The following SLC35F3 variants were observed in gnomAD, a reference collection of about 807,000 sequenced individuals.
The protein encoded by SLC35F3 is solute carrier family 35 member F3, also known as putative thiamine transporter SLC35F3.
SLC35F3 carries 25 observed loss-of-function variants against 49.9 expected under a neutral mutation model. The ratio of observed to expected loss-of-function variants is 0.50; its 90% CI spans 0.37 to 0.70. SLC35F3 has a LOEUF of 0.70. Ranked by LOEUF, SLC35F3 falls within the 30% of genes least tolerant of loss-of-function variation. The pLI, the probability that SLC35F3 is intolerant of heterozygous loss-of-function variation, is 0.00. For missense variants in SLC35F3, 525 were observed against 639.8 expected, an observed-to-expected ratio of 0.82 and a Z score of 1.94; for synonymous variants, 275 against 265.4, an observed-to-expected ratio of 1.04 and a Z score of -0.35.
intron 3 of SLC35F3, among the ~76,000 whole-genome samples, chr1:234,275,602 G>GACACACAC (rs58345055): frequency 6.9e-6 from 1 of 144,922 alleles, no homozygotes; most frequent in African/African-American, 2.6e-5. Flanking sequence ...CAGACAGACA[G>GACACACAC]ACACACACAC....
At chr1:233,926,939 C>G (rs1346183767) in intron 2 of SLC35F3, among the ~76,000 whole-genome samples, 4 of 152,076 alleles carry the variant, frequency 2.6e-5, no homozygotes, top group Non-Finnish European at 5.9e-5. Flanking sequence ...CACTCCAGAC[C>G]CTGTTTGACT....
intron 3 of SLC35F3, among the ~76,000 whole-genome samples, chr1:234,244,460 C>T (rs2102958448): frequency 6.6e-6 from 1 of 152,224 alleles, no homozygotes; most frequent in Admixed American, 6.5e-5. Flanking sequence ...CTAAGATCAG[C>T]TCTCGGCAGG....
chr1:234,093,584 C>T (rs759175274), intron 2 of SLC35F3, among the ~76,000 whole-genome samples: 1 of 152,186 alleles, frequency 6.6e-6, no homozygotes, highest in Non-Finnish European at 1.5e-5. Flanking sequence ...AAACACTCAC[C>T]CCTGCCTTAT....
chr1:234,305,608 C>A (rs1657148781), intron 3 of SLC35F3, among the ~76,000 whole-genome samples: 1 of 152,128 alleles, frequency 6.6e-6, no homozygotes, highest in Non-Finnish European at 1.5e-5. Context: ...TGGTCTCGAT[C>A]TCCTGACCCT....
At chr1:234,109,581 C>A (rs1371890456) in intron 2 of SLC35F3, among the ~76,000 whole-genome samples, 1 of 152,176 alleles carries the variant, frequency 6.6e-6, no homozygotes, top group African/African-American at 2.4e-5. Context: ...TTGCTAGCAC[C>A]TTTATTTATC....
chr1:234,139,951 T>TAATAAAATAAAACAAAATAAAATAA (rs1553308862), intron 2 of SLC35F3, among the ~76,000 whole-genome samples: 1 of 90,564 alleles, frequency 1.1e-5, no homozygotes, highest in Non-Finnish European at 2.3e-5. Flanking sequence ...CATCTCAAAA[T>TAATAAAATAAAACAAAATAAAATAA]AATAAAATAA....
chr1:234,130,786 G>A (rs1017625354), intron 2 of SLC35F3, among the ~76,000 whole-genome samples: 3 of 152,182 alleles, frequency 2.0e-5, no homozygotes, highest in African/African-American at 7.2e-5. Flanking sequence ...GAAATTGAAT[G>A]TATTTATGCC....
chr1:233,969,114 G>A (rs1202417903), intron 2 of SLC35F3, among the ~76,000 whole-genome samples: 3 of 151,836 alleles, frequency 2.0e-5, no homozygotes, highest in Non-Finnish European at 4.4e-5. Context: ...TTTCAGCCAA[G>A]CAAAGTTTAC....
chr1:233,954,057 A>C (rs1662653984), intron 2 of SLC35F3, among the ~76,000 whole-genome samples: 2 of 147,224 alleles, frequency 1.4e-5, no homozygotes, highest in Admixed American at 1.4e-4. Context: ...TCCAGGCTGG[A>C]GTGCAGGGGC....
intron 3 of SLC35F3, chr1:234,268,646 A>G (rs538208257): frequency 6.6e-6 from 1 of 152,354 alleles, no homozygotes; most frequent in South Asian, 2.1e-4. Flanking sequence ...CAACAGAGGA[A>G]TGGAAGTCAT....
intron 2 of SLC35F3, among the ~76,000 whole-genome samples, chr1:234,089,018 C>A (rs979403266): frequency 4.6e-5 from 7 of 152,074 alleles, no homozygotes; most frequent in African/African-American, 1.7e-4. Flanking sequence ...CACCTCGGCC[C>A]CCCAGAGTGC....
At chr1:233,923,821 C>T (rs140761696) in intron 2 of SLC35F3, among the ~76,000 whole-genome samples, 3 of 152,212 alleles carry the variant, frequency 2.0e-5, no homozygotes, top group East Asian at 1.9e-4. Flanking sequence ...TACATTCCAT[C>T]GACACCTAGT....
At chr1:234,287,365 G>A (rs1399116759) in intron 3 of SLC35F3, among the ~76,000 whole-genome samples, 2 of 152,032 alleles carry the variant, frequency 1.3e-5, no homozygotes, top group Non-Finnish European at 2.9e-5. Context: ...ATTTACACAA[G>A]TCACATAACA....
chr1:234,292,112 G>A (rs1326648392), intron 3 of SLC35F3, among the ~76,000 whole-genome samples: 1 of 152,224 alleles, frequency 6.6e-6, no homozygotes, highest in East Asian at 1.9e-4. Flanking sequence ...AGGCTTTGAT[G>A]CATCCACTCC....
At chr1:233,992,117 G>A (rs774586233) in intron 2 of SLC35F3, among the ~76,000 whole-genome samples, 2 of 152,156 alleles carry the variant, frequency 1.3e-5, no homozygotes, top group South Asian at 2.1e-4. Flanking sequence ...CCAGACGGCC[G>A]TGGTGCTCTC....
chr1:233,986,594 G>A (rs34231565), intron 2 of SLC35F3, among the ~76,000 whole-genome samples: 19,124 of 152,120 alleles, frequency 0.13, 1,532 homozygotes, highest in Non-Finnish European at 0.18. Context: ...TCTGTTTGAG[G>A]CATTTTGTAT....
At chr1:234,290,540 A>G (rs1054581700) in intron 3 of SLC35F3, among the ~76,000 whole-genome samples, 3 of 152,298 alleles carry the variant, frequency 2.0e-5, no homozygotes, top group African/African-American at 7.2e-5. Flanking sequence ...TGATGGCTTC[A>G]CTGCCCCATG....
intron 3 of SLC35F3, among the ~76,000 whole-genome samples, chr1:234,303,719 A>G (rs1238591333): frequency 2.0e-5 from 3 of 152,254 alleles, no homozygotes; most frequent in South Asian, 2.1e-4. Context: ...TGAAATTACA[A>G]TTTCCTATTT....
At chr1:234,096,315 C>T (rs558601961) in intron 2 of SLC35F3, among the ~76,000 whole-genome samples, 27 of 152,282 alleles carry the variant, frequency 1.8e-4, no homozygotes, top group African/African-American at 6.3e-4. Context: ...GAAAGCAGCC[C>T]GCTTCTCCCT....
Sources: allele counts gnomAD v4.1 joint callset (sites outside exome capture counted in the v4.1 genomes callset), GRCh38; gene constraint gnomAD v4.1.1; transcripts MANE v1.5; gene names NCBI Gene and HGNC (gene_info 2026-07-23, HGNC 2026-07-21).